The following SGSM1 variants were observed in gnomAD, a reference collection of about 807,000 sequenced individuals.
SGSM1 encodes small G protein signaling modulator 1.
In SGSM1, 73 loss-of-function variants were observed where a neutral mutation model predicts 133.8. The ratio of observed to expected loss-of-function variants is 0.55; its 90% CI spans 0.45 to 0.66. The LOEUF is 0.66. Ranked by LOEUF, SGSM1 falls within the 30% of genes least tolerant of loss-of-function variation. The pLI, the probability that SGSM1 is intolerant of heterozygous loss-of-function variation, is 0.00. For missense variants in SGSM1, 1,213 were observed against 1,448.1 expected (o/e 0.84, Z 2.64); for synonymous variants, 563 against 573.0 (o/e 0.98, Z 0.25).
In SGSM1 at chr22:24,876,291, C is replaced by T. The variant is rs144125156; in HGVS notation, c.1292-286C>T. 3.9e-5 allele frequency among the ~76,000 whole-genome samples: 6 copies of T among 152,332 alleles called. No homozygotes were observed. The East Asian group carries it at 9.6e-4, about 24-fold the overall frequency. On this transcript the variant is annotated intron_variant, in intron 12 of 24. Coordinates refer to ENST00000400358, the MANE Select transcript of SGSM1 (RefSeq NM_001098497.3). ...AAGTGACAACATGGCAAGGCTTGGCCTCCTGCTCTGGGATTGGGCCTGGTT... is the reference window on the plus strand; with the variant it reads ...AAGTGACAACATGGCAAGGCTTGGCTTCCTGCTCTGGGATTGGGCCTGGTT...
chr22:24,894,211 C>T (rs948110765), intron 17 of SGSM1, among the ~76,000 whole-genome samples: 1 of 152,080 alleles, frequency 6.6e-6, no homozygotes, highest in Non-Finnish European at 1.5e-5. Flanking sequence ...CAAGACCAGC[C>T]TTGGCCAACA....
intron 19 of SGSM1, among the ~76,000 whole-genome samples, chr22:24,900,827 C>T (rs1179809947): frequency 6.6e-6 from 1 of 152,190 alleles, no homozygotes; most frequent in Non-Finnish European, 1.5e-5. Flanking sequence ...CACCTTCTTT[C>T]TCTGAGTGTT....
At chr22:24,871,811 T>A (rs980462555) in intron 12 of SGSM1, among the ~76,000 whole-genome samples, 3 of 152,198 alleles carry the variant, frequency 2.0e-5, no homozygotes, top group African/African-American at 7.2e-5. Context: ...GGCAACCGCA[T>A]CCTTGGTTGA....
chr22:24,861,954 TTC>T lies in SGSM1; in HGVS notation c.926+2116_926+2117del, dbSNP rs1242925617. On this transcript the variant is annotated intron_variant, in intron 9 of 24. Coordinates refer to ENST00000400358, the MANE Select transcript of SGSM1 (RefSeq NM_001098497.3). ...CAGAGTCTAGAGTTTCTTTCTTTCTTTCTTTTTTTTTTTTTTTGAGACAGAGT... is the reference window on the plus strand; with the variant it reads ...CAGAGTCTAGAGTTTCTTTCTTTCTTTTTTTTTTTTTTTTTGAGACAGAGT... Among the ~76,000 whole-genome samples, 1,291 of 147,648 alleles carry T rather than the reference TTC, an allele frequency of 8.7e-3. 22 individuals carry two copies. The highest frequency in any genetic ancestry group is 0.031 in the African/African-American group (1,184 of 38,568).
chr22:24,819,392 A>G (rs1207431250), intron 2 of SGSM1, among the ~76,000 whole-genome samples: 1 of 152,226 alleles, frequency 6.6e-6, no homozygotes, highest in Non-Finnish European at 1.5e-5. Context: ...GGTATAGAGC[A>G]TTTCTCAAAA....
At chr22:24,809,647 A>C (rs1294434845) in intron 2 of SGSM1, among the ~76,000 whole-genome samples, 1 of 152,094 alleles carries the variant, frequency 6.6e-6, no homozygotes, top group Non-Finnish European at 1.5e-5. Flanking sequence ...GTGTTTATTT[A>C]CTGAGGGCTG....
intron 12 of SGSM1, among the ~76,000 whole-genome samples, chr22:24,874,861 C>T (rs1931952867): frequency 6.6e-6 from 1 of 152,240 alleles, no homozygotes; most frequent in South Asian, 2.1e-4. Flanking sequence ...CTGGTCAGTG[C>T]ATCCCTGAGA....
chr22:24,879,489 T>C lies in SGSM1; in HGVS notation c.1458T>C (p.Asn486=). The C allele has an allele frequency of 6.2e-7, 1 of 1,613,818 alleles. No homozygotes were observed. Residue 486 remains asparagine, a synonymous_variant, in exon 14 of 25, where the codon AAT becomes AAC. Coordinates refer to ENST00000400358, the MANE Select transcript of SGSM1 (RefSeq NM_001098497.3). ...CTCCCCTGAAACTTCTCTGTGACAA[T>C]ATGAAGTACCAGATCCTCTCCAGAG... The part of the protein sequence containing the change: ...ERAPLKLLCD[N]MKYQILSRAF...
chr22:24,903,564 A>G (rs945134938), intron 20 of SGSM1, among the ~76,000 whole-genome samples: 7 of 152,218 alleles, frequency 4.6e-5, no homozygotes, highest in Non-Finnish European at 5.9e-5. Flanking sequence ...TAAGTGTTAC[A>G]TTAAAATGAA....
At chr22:24,881,498 G>A (rs1244920882) in intron 14 of SGSM1, among the ~76,000 whole-genome samples, 29 of 150,698 alleles carry the variant, frequency 1.9e-4, no homozygotes, top group African/African-American at 6.6e-4. Flanking sequence ...CCTGGGATGC[G>A]GAGCTTGCAG....
intron 15 of SGSM1, among the ~76,000 whole-genome samples, chr22:24,885,783 C>T (rs752872430): frequency 5.3e-5 from 8 of 152,262 alleles, no homozygotes; most frequent in African/African-American, 1.4e-4. Context: ...CTCTGTGTTG[C>T]GTACCCGTGT....
At chr22:24,807,837 C>T (rs1286906402) in intron 2 of SGSM1, among the ~76,000 whole-genome samples, 1 of 151,478 alleles carries the variant, frequency 6.6e-6, no homozygotes, top group African/African-American at 2.4e-5. Flanking sequence ...AGCCTCGAGG[C>T]TTGGACCTGT....
intron 16 of SGSM1, among the ~76,000 whole-genome samples, chr22:24,892,544 T>C (rs1024506441): frequency 6.6e-6 from 1 of 152,122 alleles, no homozygotes; most frequent in Non-Finnish European, 1.5e-5. Flanking sequence ...CCTCAGCACC[T>C]GTAGCCCATG....
chr22:24,902,134 C>T (rs765590330), intron 20 of SGSM1, among the ~76,000 whole-genome samples, 177 bp downstream of exon 20: 1 of 152,148 alleles, frequency 6.6e-6, no homozygotes, highest in Non-Finnish European at 1.5e-5. Context: ...ATTTATTAAG[C>T]ACTTACTGTA....
Position 24,859,816 on chromosome 22 carries a change from T to TG in SGSM1, c.907dup (p.Asp303GlyfsTer5). The TG allele has an allele frequency of 6.2e-7, 1 of 1,613,840 alleles. No individual in the cohort carries two copies. Among genetic ancestry groups the TG allele is most frequent in the East Asian group, 2.2e-5 (1 of 44,862 alleles). On this transcript the variant is annotated frameshift_variant, in exon 9 of 25. Coordinates refer to ENST00000400358, the MANE Select transcript of SGSM1 (RefSeq NM_001098497.3). LOFTEE classifies it high-confidence loss of function. ...CCCAACCAGCTGATGAACGGGTCTG[T>TG]GGGGGACCTGGACTATGAGAAGAGG...
chr22:24,842,432 A>G (rs1569143176), intron 2 of SGSM1, among the ~76,000 whole-genome samples: 1 of 152,178 alleles, frequency 6.6e-6, no homozygotes, highest in African/African-American at 2.4e-5. Context: ...AAGAAAATAT[A>G]TATTTTTTTT....
chr22:24,819,076 G>A (rs1182891412), intron 2 of SGSM1, among the ~76,000 whole-genome samples: 1 of 151,508 alleles, frequency 6.6e-6, no homozygotes, highest in African/African-American at 2.4e-5. Flanking sequence ...AACCTGGGAG[G>A]CGGAGCTTGC....
intron 21 of SGSM1, 38 bp from the exon 22 acceptor site, chr22:24,912,605 G>A (rs1390496286): frequency 7.4e-7 from 1 of 1,360,334 alleles, no homozygotes; most frequent in Non-Finnish European, 1.0e-6. Context: ...TATCACTTGG[G>A]CAGCGGGGCA....
chr22:24,825,396 C>T (rs999823826), intron 2 of SGSM1, among the ~76,000 whole-genome samples: 9 of 152,114 alleles, frequency 5.9e-5, no homozygotes. Flanking sequence ...CCTCTTCTCC[C>T]CGCTGTGCTC....
Sources: allele counts gnomAD v4.1 joint callset (sites outside exome capture counted in the v4.1 genomes callset), GRCh38; gene constraint gnomAD v4.1.1; transcripts MANE v1.5; gene names NCBI Gene and HGNC (gene_info 2026-07-23, HGNC 2026-07-21).